ESF1: variants seen among roughly 807,000 people sequenced by gnomAD.
ESF1 encodes the protein ESF1 nucleolar pre-rRNA processing protein.
A neutral mutation model predicts 92.0 loss-of-function variants in ESF1; 58 were observed. The ratio of observed to expected loss-of-function variants is 0.63; its 90% CI spans 0.51 to 0.78. The LOEUF (loss-of-function observed/expected upper bound fraction) is 0.78, where lower values mean the gene tolerates loss of function less well. Among genes scored for constraint, ESF1 ranks in the 30% least tolerant of loss-of-function variants. ESF1 has a pLI of 0.00. For missense variants in ESF1, 922 were observed against 989.1 expected, an observed-to-expected ratio of 0.93 and a Z score of 0.91; for synonymous variants, 321 against 313.7, an observed-to-expected ratio of 1.02 and a Z score of -0.24.
intron 11 of ESF1, among the ~76,000 whole-genome samples, chr20:13,723,938 C>T (rs921080375): frequency 6.6e-6 from 1 of 152,230 alleles, no homozygotes; most frequent in Non-Finnish European, 1.5e-5. Flanking sequence ...GAAGGCAACA[C>T]TGTAGTAATA....
chr20:13,781,004 T>C (rs1980160129), intron 2 of ESF1, among the ~76,000 whole-genome samples: 4 of 152,192 alleles, frequency 2.6e-5, no homozygotes, highest in Admixed American at 1.3e-4. Flanking sequence ...TGTAGCACAC[T>C]CTGGTCCTCA....
intron 9 of ESF1, among the ~76,000 whole-genome samples, chr20:13,755,141 C>T (rs554830510): frequency 5.3e-4 from 80 of 152,194 alleles, no homozygotes; most frequent in African/African-American, 1.7e-3. Context: ...GAATAATTCC[C>T]GGCACAGAGT....
chr20:13,716,804 A>ATTTTTTTTTTTTTTTTTTTT (rs71188180), intron 13 of ESF1, among the ~76,000 whole-genome samples: 5 of 45,914 alleles, frequency 1.1e-4, no homozygotes, highest in East Asian at 8.2e-4. Context: ...CTATACCTGG[A>ATTTTTTTTTTTTTTTTTTTT]TTTTTTTTTT....
Position 13,715,169 on chromosome 20 carries a change from T to A in ESF1, c.2263-2A>T. On this transcript the variant is annotated splice_acceptor_variant, in intron 13 of 13. Transcript: ENST00000617257. LOFTEE classifies it high-confidence loss of function. ...AAACCGTGCATCGTTAACATTTACC[T>A]GCAAATCCAAAAAAAAAAAAAATTA... The A allele has an allele frequency of 6.9e-7, 1 of 1,450,068 alleles. No homozygotes were observed. The highest frequency in any genetic ancestry group is 1.6e-5 in the South Asian group (1 of 61,894). The allele number at this position is 1,450,068 out of a possible 1,614,324, so 89.8% of individuals were successfully genotyped here. A position where few individuals can be genotyped will look rare whatever the true frequency, so the allele number is the denominator to read the frequency against.
At chr20:13,765,970 C>T (rs1979409856) in intron 8 of ESF1, among the ~76,000 whole-genome samples, 2 of 152,206 alleles carry the variant, frequency 1.3e-5, no homozygotes, top group East Asian at 1.9e-4. Flanking sequence ...CAAATACAAC[C>T]TCCATAAGTA....
intron 10 of ESF1, among the ~76,000 whole-genome samples, chr20:13,730,642 C>T (rs1178654532): frequency 1.3e-5 from 2 of 151,996 alleles, no homozygotes; most frequent in African/African-American, 4.8e-5. Context: ...CCTCGGCCTC[C>T]CAAAGTACTG....
intron 10 of ESF1, among the ~76,000 whole-genome samples, chr20:13,731,933 A>C (rs551861803): frequency 2.1e-4 from 32 of 152,360 alleles, no homozygotes; most frequent in African/African-American, 7.7e-4. Flanking sequence ...GGAGGCATGG[A>C]AGCTCCACAG....
chr20:13,782,568 G>A lies in ESF1; in HGVS notation c.573C>T (p.Gly191=), dbSNP rs1980242354. Residue 191 remains glycine (G), a synonymous_variant, in exon 2 of 14, where the codon GGC becomes GGT. Coordinates refer to ENST00000617257, the MANE Select transcript of ESF1 (RefSeq NM_001276380.2). ...LEEKQRTLDS[G]TSEIVKSPRI... is the part of the protein sequence containing the mutation. Reference sequence around the variant, plus strand: ...TGGGAGATTTCACAATTTCAGAGGTGCCTGAGTCTAATGTCCTTTGTTTTT... The same window carrying A: ...TGGGAGATTTCACAATTTCAGAGGTACCTGAGTCTAATGTCCTTTGTTTTT... The A allele has an allele frequency of 2.5e-6, 4 of 1,579,832 alleles. No homozygotes were observed. The highest frequency in any genetic ancestry group is 3.4e-6 in the Non-Finnish European group (4 of 1,170,956).
chr20:13,741,201 G>A (rs371261244), intron 9 of ESF1, among the ~76,000 whole-genome samples: 2 of 152,014 alleles, frequency 1.3e-5, no homozygotes, highest in Non-Finnish European at 2.9e-5. Context: ...AAATTCTGTG[G>A]AACTCACAGT....
chr20:13,722,569 G>C (rs2049874952), intron 11 of ESF1, among the ~76,000 whole-genome samples: 1 of 152,108 alleles, frequency 6.6e-6, no homozygotes, highest in African/African-American at 2.4e-5. Flanking sequence ...CACATCTCTA[G>C]CTGGGTGTGG....
At position 13,740,934 on chromosome 20, in the gene ESF1, G is replaced by A. The variant is rs148931508; in HGVS notation, c.1829-7092C>T. Among the ~76,000 whole-genome samples the A allele has an allele frequency of 1.8e-4, 27 of 152,224 alleles. No individual in the cohort carries two copies. The East Asian group carries it at 4.1e-3, about 23-fold the overall frequency. The stretch of plus-strand genomic sequence containing the variant: ...CTTCCCAGAAAGAGGCTAAGACGGG[G>A]ACTGGCTTGGTGCATCCAAGATAAT... On this transcript the variant is annotated intron_variant, in intron 9 of 13. Transcript: ENST00000617257.
intron 12 of ESF1, 64 bp downstream of exon 12, chr20:13,718,844 A>G (rs1178904192): frequency 8.2e-6 from 10 of 1,225,732 alleles, no homozygotes; most frequent in Non-Finnish European, 1.0e-5. Flanking sequence ...AGTGACATGT[A>G]CAACTTCATT....
At chr20:13,767,424 GGCA>G (rs1279719384) in intron 7 of ESF1, among the ~76,000 whole-genome samples, 1 of 151,896 alleles carries the variant, frequency 6.6e-6, no homozygotes, top group Non-Finnish European at 1.5e-5. Context: ...GGGAGGCTGA[GGCA>G]GCAGAATCAG....
At chr20:13,778,186 G>A (rs1244009561) in intron 2 of ESF1, among the ~76,000 whole-genome samples, 1 of 152,152 alleles carries the variant, frequency 6.6e-6, no homozygotes. Flanking sequence ...TTGTTAGAAG[G>A]AAAAGCAGGA....
At chr20:13,775,347 T>A in intron 3 of ESF1, 77 bp from the exon 4 acceptor site, 1 of 921,520 alleles carries the variant, frequency 1.1e-6, no homozygotes, top group Non-Finnish European at 1.7e-6. Flanking sequence ...TCTAAAAATG[T>A]AATGCCTTCT....
chr20:13,719,679 C>T (rs1048443629), intron 11 of ESF1, among the ~76,000 whole-genome samples: 2 of 151,878 alleles, frequency 1.3e-5, no homozygotes, highest in African/African-American at 4.8e-5. Context: ...AAACAAAGAA[C>T]CCCTATGAGA....
chr20:13,748,468 A>G lies in ESF1; in HGVS notation c.1828+11224T>C, dbSNP rs180686857. 4.0e-5 allele frequency among the ~76,000 whole-genome samples: 5 copies of G among 125,970 alleles called. No individual in the cohort carries two copies. In the East Asian group the frequency reaches 9.8e-4, roughly 25 times the overall value. The allele number at this position is 125,970 out of a possible 152,430, so 82.6% of individuals were successfully genotyped here. On this transcript the variant is annotated intron_variant, in intron 9 of 13. Transcript: ENST00000617257. Reference sequence around the variant, plus strand: ...TATATACATATATATACATATATACACATATATACACATATACACATATAT... The same window carrying G: ...TATATACATATATATACATATATACGCATATATACACATATACACATATAT...
intron 9 of ESF1, among the ~76,000 whole-genome samples, chr20:13,755,583 G>A (rs6105163): frequency 0.32 from 48,140 of 151,966 alleles, 7,954 homozygotes; most frequent in Middle Eastern, 0.47. Flanking sequence ...GCAACGCATT[G>A]AGATAGGAAA....
At chr20:13,784,828 G>A (rs1980599166) in intron 1 of ESF1, 52 bp downstream of exon 1, 1 of 564,770 alleles carries the variant, frequency 1.8e-6, no homozygotes, top group Non-Finnish European at 3.2e-6. Flanking sequence ...ACACACACAC[G>A]CCCTCAAGCC....
Sources: gnomAD v4.1 joint callset for allele counts (sites outside exome capture counted in the v4.1 genomes callset) on GRCh38, gnomAD v4.1.1 for gene constraint, MANE v1.5 for transcripts, NCBI Gene and HGNC (gene_info 2026-07-23, HGNC 2026-07-21) for gene names.